Variants in RASSF3 observed in about 807,000 individuals in gnomAD.
RASSF3 encodes the protein Ras association domain family member 3, also known as ras association domain-containing protein 3.
Under a neutral mutation model 19.9 loss-of-function variants are expected in RASSF3, and 19 were observed. The observed-to-expected ratio is 0.96, with a 90% CI of 0.67 to 1.40. The LOEUF is 1.40. Ranked by LOEUF, RASSF3 falls within the 40% of genes most tolerant of loss-of-function variation. RASSF3 has a pLI of 0.00. For missense variants in RASSF3, 306 were observed against 289.8 expected, an observed-to-expected ratio of 1.06 and a Z score of -0.41; for synonymous variants, 110 against 104.2, an observed-to-expected ratio of 1.06 and a Z score of -0.34.
upstream of RASSF3, among the ~76,000 whole-genome samples, chr12:64,610,147 T>A (rs1361670671): frequency 6.6e-6 from 1 of 152,014 alleles, no homozygotes; most frequent in African/African-American, 2.4e-5. Context: ...GCTCCCGCCC[T>A]CTCCGAAACT....
chr12:64,525,635 G>C (rs1274498791), intron 1 of RASSF3, among the ~76,000 whole-genome samples: 2 of 152,146 alleles, frequency 1.3e-5, no homozygotes, highest in African/African-American at 4.8e-5. Flanking sequence ...ATGAGCCTTG[G>C]CTGCGGAATG....
intron 1 of RASSF3, among the ~76,000 whole-genome samples, chr12:64,636,073 C>G (rs1483934977): frequency 6.6e-6 from 1 of 151,382 alleles, no homozygotes; most frequent in East Asian, 1.9e-4. Flanking sequence ...GAGTGGCTCA[C>G]AATTCCAAAG....
chr12:64,688,626 T>G (rs969557931), intron 3 of RASSF3, among the ~76,000 whole-genome samples, 173 bp downstream of exon 3: 2 of 152,050 alleles, frequency 1.3e-5, no homozygotes, highest in African/African-American at 4.8e-5. Flanking sequence ...TGGCTGTCCA[T>G]ATTTTTGAGT....
intron 1 of RASSF3, among the ~76,000 whole-genome samples, chr12:64,678,504 G>C (rs1394172656): frequency 1.3e-5 from 2 of 152,148 alleles, no homozygotes; most frequent in Admixed American, 6.5e-5. Context: ...ACCACTTACT[G>C]AGTGTCATGC....
In RASSF3 at chr12:64,696,075, CTTG is replaced by C. The variant is rs1417427223; in HGVS notation, c.*1166_*1168del. ...CCTTCCCTGCTGTCTCCCACCCTAC[CTTG>C]TTCTTTTCCTCCCTCCCTCCCTCCC... On this transcript the variant is annotated 3_prime_UTR_variant, in exon 5 of 5. Coordinates refer to ENST00000542104, the MANE Select transcript of RASSF3 (RefSeq NM_178169.4). The C allele has an allele frequency of 1.3e-5, 2 of 149,762 alleles. No individual in the cohort carries two copies. The highest frequency in any genetic ancestry group is 3.2e-3 in the Middle Eastern group (1 of 316). The allele number at this position is 149,762 out of a possible 1,614,324, so 9.3% of individuals were successfully genotyped here.
chr12:64,633,104 C>A (rs559523537), intron 1 of RASSF3, among the ~76,000 whole-genome samples: 1 of 152,136 alleles, frequency 6.6e-6, no homozygotes, highest in African/African-American at 2.4e-5. Context: ...TTTCTTCAAT[C>A]ATTTTGTTTA....
upstream of RASSF3, among the ~76,000 whole-genome samples, chr12:64,529,464 G>A (rs1405961899): frequency 6.6e-6 from 1 of 152,116 alleles, no homozygotes; most frequent in African/African-American, 2.4e-5. Flanking sequence ...CATTCAATCA[G>A]AGCCAATCCT....
intron 2 of RASSF3, among the ~76,000 whole-genome samples, chr12:64,590,309 C>G (rs1361083001): frequency 1.3e-5 from 2 of 151,570 alleles, no homozygotes; most frequent in Non-Finnish European, 2.9e-5. Flanking sequence ...TGAACATTAA[C>G]TTATAAGCTC....
At chr12:64,632,678 A>G (rs1038567850) in intron 1 of RASSF3, among the ~76,000 whole-genome samples, 2 of 152,036 alleles carry the variant, frequency 1.3e-5, no homozygotes, top group Non-Finnish European at 2.9e-5. Context: ...GAAGAGGAAC[A>G]GGTTTAGTGA....
At chr12:64,650,408 CTTTTTTTT>C (rs67304103) in intron 1 of RASSF3, among the ~76,000 whole-genome samples, 31 of 85,470 alleles carry the variant, frequency 3.6e-4, no homozygotes, top group African/African-American at 1.1e-3. Context: ...TTTTTTTTTC[CTTTTTTTT>C]TTTTTTTTTT....
chr12:64,634,967 C>CTTTTTTTTTTTTTTTTTTTTTTTT (rs139897110), intron 1 of RASSF3, among the ~76,000 whole-genome samples: 1 of 128,130 alleles, frequency 7.8e-6, no homozygotes, highest in Non-Finnish European at 1.7e-5. Context: ...CTTTTCTTTT[C>CTTTTTTTTTTTTTTTTTTTTTTTT]TTTTTTTTTT....
At chr12:64,523,783 T>G (rs1868527062) in intron 1 of RASSF3, among the ~76,000 whole-genome samples, 1 of 151,842 alleles carries the variant, frequency 6.6e-6, no homozygotes, top group Non-Finnish European at 1.5e-5. Context: ...TCACAGTGCC[T>G]TGCGGCCTCA....
At chr12:64,575,851 C>G (rs1175223918) in intron 2 of RASSF3, 1 of 149,758 alleles carries the variant, frequency 6.7e-6, no homozygotes, top group Non-Finnish European at 1.5e-5. Context: ...CCAAATTTAT[C>G]TCCTTGGTAC....
chr12:64,610,807 C>T, intron 1 of RASSF3, 64 bp downstream of exon 1: 4 of 1,030,762 alleles, frequency 3.9e-6, no homozygotes, highest in Non-Finnish European at 5.6e-6. Context: ...CGCCAGCCCG[C>T]GCCCCCTGCC....
At chr12:64,551,161 C>T (rs1869153659) in intron 2 of RASSF3, among the ~76,000 whole-genome samples, 1 of 152,198 alleles carries the variant, frequency 6.6e-6, no homozygotes, top group African/African-American at 2.4e-5. Flanking sequence ...CAGACATGTA[C>T]AAAGTACCTA....
intron 2 of RASSF3, among the ~76,000 whole-genome samples, chr12:64,603,475 T>C (rs1014628965): frequency 6.6e-6 from 1 of 152,244 alleles, no homozygotes; most frequent in Non-Finnish European, 1.5e-5. Flanking sequence ...CATTAGGTCC[T>C]AGATATGTTG....
Position 64,695,165 on chromosome 12 carries a change from G to C in RASSF3, c.*253G>C. The C allele has an allele frequency of 2.5e-6, 1 of 400,146 alleles. No homozygotes were observed. The highest frequency in any genetic ancestry group is 4.5e-6 in the Non-Finnish European group (1 of 221,024). 24.8% of individuals were successfully genotyped at this position (400,146 alleles called of 1,614,324 possible). On this transcript the variant is annotated 3_prime_UTR_variant, in exon 5 of 5. Coordinates refer to ENST00000542104, the MANE Select transcript of RASSF3 (RefSeq NM_178169.4). ...AAGCTGTGAACCTGTCGCCTCATCA[G>C]GAGCATTCGAGGGTGCTTGGAAGCA...
chr12:64,620,271 TTTCC>T (rs941197184), intron 1 of RASSF3, among the ~76,000 whole-genome samples: 4 of 152,160 alleles, frequency 2.6e-5, no homozygotes, highest in African/African-American at 9.7e-5. Context: ...TGTGTCAGAA[TTTCC>T]TTCCTTTTAA....
chr12:64,567,541 C>T (rs541682468), intron 2 of RASSF3, among the ~76,000 whole-genome samples: 2 of 152,302 alleles, frequency 1.3e-5, no homozygotes, highest in African/African-American at 4.8e-5. Context: ...ACTGACCGAA[C>T]AGAGACATCT....
Sources: allele counts gnomAD v4.1 joint callset (sites outside exome capture counted in the v4.1 genomes callset), GRCh38; gene constraint gnomAD v4.1.1; transcripts MANE v1.5; gene names NCBI Gene and HGNC (gene_info 2026-07-23, HGNC 2026-07-21).